The following HTR1E variants were observed in gnomAD, a reference collection of about 807,000 sequenced individuals.
HTR1E encodes the protein 5-HT-1E.
In HTR1E, 3 loss-of-function variants were observed where a neutral mutation model predicts 3.4. The ratio of observed to expected loss-of-function variants is 0.89; its 90% CI spans 0.41 to 2.31. HTR1E has a LOEUF of 2.31. Among genes scored for constraint, HTR1E ranks in the 30% most tolerant of loss-of-function variants. HTR1E has a pLI of 0.05. For missense variants in HTR1E, 392 were observed against 467.0 expected (o/e 0.84, Z 1.48); for synonymous variants, 170 against 182.8 (o/e 0.93, Z 0.56).
chr6:87,012,856 T>C (rs1406026696), intron 1 of HTR1E, among the ~76,000 whole-genome samples: 1 of 152,166 alleles, frequency 6.6e-6, no homozygotes, highest in African/African-American at 2.4e-5. Flanking sequence ...AGAACATGCT[T>C]AGGATTACAC....
At position 86,939,093 on chromosome 6, in the gene HTR1E, G is replaced by A. The variant is rs527918676; in HGVS notation, c.-186+1270G>A. Among the ~76,000 whole-genome samples, 4 of 152,210 alleles carry A rather than the reference G, an allele frequency of 2.6e-5. No individual in the cohort carries two copies. The South Asian group carries it at 8.3e-4, about 32-fold the overall frequency. ...GATTGAGACAGCTTTTCTCTTTCTGGTACAGTTGCTTTCCTGCTGAATTAA... is the reference window on the plus strand; with the variant it reads ...GATTGAGACAGCTTTTCTCTTTCTGATACAGTTGCTTTCCTGCTGAATTAA... On this transcript the variant is annotated intron_variant, in intron 1 of 1. Coordinates refer to ENST00000305344, the MANE Select transcript of HTR1E (RefSeq NM_000865.3).
chr6:86,993,253 C>A (rs1368180813), intron 1 of HTR1E, among the ~76,000 whole-genome samples: 1 of 149,032 alleles, frequency 6.7e-6, no homozygotes, highest in African/African-American at 2.5e-5. Context: ...TAAAATTTTA[C>A]CAAAATAAAA....
intron 1 of HTR1E, among the ~76,000 whole-genome samples, chr6:86,991,462 A>G (rs1001478899): frequency 2.0e-5 from 3 of 152,190 alleles, no homozygotes; most frequent in Admixed American, 1.3e-4. Context: ...AATTTCTACC[A>G]AAATAAAAAG....
intron 1 of HTR1E, among the ~76,000 whole-genome samples, chr6:86,996,918 A>C (rs1197890661): frequency 6.6e-6 from 1 of 152,042 alleles, no homozygotes; most frequent in East Asian, 1.9e-4. Flanking sequence ...GCAGTAAAAA[A>C]AAAGTTAGAG....
intron 1 of HTR1E, among the ~76,000 whole-genome samples, chr6:86,978,010 T>C (rs571590933): frequency 6.6e-6 from 1 of 152,328 alleles, no homozygotes; most frequent in South Asian, 2.1e-4. Context: ...CTGTTGATAG[T>C]GTCTTTTACT....
At chr6:86,997,493 T>C (rs550874819) in intron 1 of HTR1E, among the ~76,000 whole-genome samples, 1 of 151,900 alleles carries the variant, frequency 6.6e-6, no homozygotes, top group East Asian at 1.9e-4. Context: ...TTCAGCAAGG[T>C]AGCATAATAC....
At chr6:86,982,124 T>C (rs1286964358) in intron 1 of HTR1E, among the ~76,000 whole-genome samples, 2 of 152,238 alleles carry the variant, frequency 1.3e-5, no homozygotes, top group East Asian at 3.8e-4. Context: ...AACACATCCA[T>C]GTGACCTGTC....
intron 1 of HTR1E, among the ~76,000 whole-genome samples, chr6:86,955,240 C>A (rs1275455918): frequency 1.3e-5 from 2 of 152,224 alleles, no homozygotes; most frequent in African/African-American, 2.4e-5. Flanking sequence ...GCAGGTCCAC[C>A]TCCCTGTCAG....
chr6:86,948,414 A>G (rs1310524957), intron 1 of HTR1E, among the ~76,000 whole-genome samples: 44 of 152,208 alleles, frequency 2.9e-4, no homozygotes, highest in Admixed American at 2.9e-3. Context: ...AAATTTTTAC[A>G]TAAGTCTTTG....
chr6:86,998,965 A>T (rs1767980655), intron 1 of HTR1E, among the ~76,000 whole-genome samples: 1 of 151,944 alleles, frequency 6.6e-6, no homozygotes, highest in African/African-American at 2.4e-5. Context: ...GTTTTCACTT[A>T]TTTGTTTATT....
intron 1 of HTR1E, among the ~76,000 whole-genome samples, chr6:86,940,611 ATCT>A (rs1768532785): frequency 6.6e-6 from 1 of 152,190 alleles, no homozygotes; most frequent in Non-Finnish European, 1.5e-5. Context: ...CTTTTGTGTC[ATCT>A]TCTCATTACT....
At chr6:86,967,071 A>G (rs1167363655) in intron 1 of HTR1E, among the ~76,000 whole-genome samples, 2 of 152,202 alleles carry the variant, frequency 1.3e-5, no homozygotes, top group Non-Finnish European at 1.5e-5. Flanking sequence ...GTGATATAGT[A>G]TAATAAGCAG....
chr6:86,997,475 T>C (rs920732750), intron 1 of HTR1E, among the ~76,000 whole-genome samples: 4 of 151,726 alleles, frequency 2.6e-5, no homozygotes, highest in African/African-American at 4.8e-5. Flanking sequence ...TCATATCTAA[T>C]AAGTTAGTTC....
At chr6:86,943,409 A>C (rs1768570817) in intron 1 of HTR1E, among the ~76,000 whole-genome samples, 2 of 152,114 alleles carry the variant, frequency 1.3e-5, no homozygotes, top group African/African-American at 4.8e-5. Flanking sequence ...CACAGGCCCA[A>C]CTCTACGGAC....
At chr6:86,961,058 G>A (rs1324057832) in intron 1 of HTR1E, among the ~76,000 whole-genome samples, 1 of 152,146 alleles carries the variant, frequency 6.6e-6, no homozygotes, top group African/African-American at 2.4e-5. Context: ...ATGAAGCTAG[G>A]AACTATCAAG....
intron 1 of HTR1E, among the ~76,000 whole-genome samples, chr6:87,005,495 A>AT (rs1216827710): frequency 6.6e-6 from 1 of 152,174 alleles, no homozygotes; most frequent in Non-Finnish European, 1.5e-5. Context: ...GGAAAGAACA[A>AT]TATCTTCAAT....
At chr6:86,980,358 G>T (rs1767694564) in intron 1 of HTR1E, among the ~76,000 whole-genome samples, 1 of 149,048 alleles carries the variant, frequency 6.7e-6, no homozygotes, top group Non-Finnish European at 1.5e-5. Flanking sequence ...CTGCACTCCA[G>T]CCTGGGCAAC....
intron 1 of HTR1E, among the ~76,000 whole-genome samples, chr6:86,966,439 A>G (rs975175283): frequency 1.3e-5 from 2 of 152,226 alleles, no homozygotes; most frequent in Non-Finnish European, 2.9e-5. Context: ...GCCAAAGTGG[A>G]CAGATGGAAT....
chr6:86,996,702 A>C (rs758458362), intron 1 of HTR1E, among the ~76,000 whole-genome samples: 2 of 152,062 alleles, frequency 1.3e-5, no homozygotes, highest in Non-Finnish European at 2.9e-5. Context: ...CAATTCACCC[A>C]AACAGTTTAA....
Sources: gnomAD v4.1 joint callset for allele counts (sites outside exome capture counted in the v4.1 genomes callset) on GRCh38, gnomAD v4.1.1 for gene constraint, MANE v1.5 for transcripts, NCBI Gene and HGNC (gene_info 2026-07-23, HGNC 2026-07-21) for gene names.